The following LYPD8 variants were observed in gnomAD, a reference collection of about 807,000 sequenced individuals.
The protein encoded by LYPD8 is LY6/PLAUR domain containing 8, also known as ly6/PLAUR domain-containing protein 8.
Under a neutral mutation model 1.7 loss-of-function variants are expected in LYPD8, and 8 were observed. The ratio of observed to expected loss-of-function variants is 4.58; its 90% confidence interval spans 2.69 to 8.27. LYPD8 has a LOEUF of 8.27. Among genes scored for constraint, LYPD8 ranks in the 30% most tolerant of loss-of-function variants. The pLI is 0.00. For missense variants in LYPD8, 112 were observed against 102.3 expected, an observed-to-expected ratio of 1.09 and a Z score of -0.41; for synonymous variants, 50 against 43.6, an observed-to-expected ratio of 1.15 and a Z score of -0.58.
Position 248,739,582 on chromosome 1 carries a change from G to T in LYPD8, c.*29C>A. The stretch of plus-strand genomic sequence containing the variant: ...CTGGACCTCAGAGAAGCAGAAATGG[G>T]GTGCTGGGCAAAGTGCAGCCCCAGG... On this transcript the variant is annotated 3_prime_UTR_variant, in exon 7 of 7. Transcript: ENST00000590317. This position sits in a 1 kb window ranked among gnomAD's most constrained non-coding sequence, Gnocchi z 4.3. 6.5e-7 allele frequency: 1 copy of T among 1,550,294 alleles called. No homozygotes were observed. The highest frequency in any genetic ancestry group is 8.7e-7 in the Non-Finnish European group (1 of 1,146,904).
intron 5 of LYPD8, among the ~76,000 whole-genome samples, chr1:248,746,384 G>A (rs1412591869): frequency 6.6e-6 from 1 of 152,212 alleles, no homozygotes; most frequent in Admixed American, 6.5e-5. Flanking sequence ...CATGGCGGAA[G>A]TGCTGGTTTG....
intron 1 of LYPD8, 113 bp downstream of exon 1, chr1:248,755,592 G>A (rs1242693648): frequency 6.6e-6 from 1 of 152,322 alleles, no homozygotes; most frequent in Non-Finnish European, 1.5e-5. Context: ...AGGAGCAAGA[G>A]CCGCAAGAAT....
intron 4 of LYPD8, among the ~76,000 whole-genome samples, chr1:248,748,768 G>T (rs1383884275): frequency 2.0e-5 from 3 of 152,186 alleles, no homozygotes; most frequent in African/African-American, 7.2e-5. Flanking sequence ...CTGTAAAAAT[G>T]ATCAAACAGA....
chr1:248,741,062 AGTGATC>A (rs1282986928), intron 6 of LYPD8, among the ~76,000 whole-genome samples: 1 of 152,232 alleles, frequency 6.6e-6, no homozygotes, highest in Non-Finnish European at 1.5e-5. Context: ...GCAGTGAGTC[AGTGATC>A]GCACCCCTGC....
intron 6 of LYPD8, among the ~76,000 whole-genome samples, chr1:248,743,419 C>T (rs1218083629): frequency 2.6e-5 from 4 of 151,512 alleles, no homozygotes; most frequent in Non-Finnish European, 5.9e-5. Context: ...GAGCTGAGAT[C>T]GCACCACTGC....
At chr1:248,746,004 G>A (rs1662721398) in intron 5 of LYPD8, among the ~76,000 whole-genome samples, 1 of 152,216 alleles carries the variant, frequency 6.6e-6, no homozygotes, top group Non-Finnish European at 1.5e-5. Context: ...AAGTAAATAT[G>A]AGAATCCAGC....
At chr1:248,752,923 C>CAA (rs1250164683) in intron 2 of LYPD8, among the ~76,000 whole-genome samples, 2 of 102,958 alleles carry the variant, frequency 1.9e-5, no homozygotes, top group Non-Finnish European at 1.9e-5. Context: ...CACCAACACA[C>CAA]CACATCACAC....
At chr1:248,753,124 A>AC (rs1662850421) in intron 2 of LYPD8, among the ~76,000 whole-genome samples, 1 of 79,408 alleles carries the variant, frequency 1.3e-5, no homozygotes, top group South Asian at 4.8e-4. Flanking sequence ...AACACACACA[A>AC]CACAACACAC....
In LYPD8 at chr1:248,751,023, C is replaced by T; in HGVS notation, c.52+7G>A. ...ATTCTAAAAAGGGGCCACGTGAGTTCTCTTACCTACAGCTGCAACAAGCAC... is the reference window on the plus strand; with the variant it reads ...ATTCTAAAAAGGGGCCACGTGAGTTTTCTTACCTACAGCTGCAACAAGCAC... On this transcript the variant is annotated splice_region_variant and intron_variant, in intron 3 of 6. Transcript: ENST00000590317. The T allele has an allele frequency of 2.5e-6, 1 of 398,614 alleles. No individual in the cohort carries two copies. The highest frequency in any genetic ancestry group is 4.4e-6 in the Non-Finnish European group (1 of 226,064). 24.7% of individuals were successfully genotyped at this position (398,614 alleles called of 1,614,324 possible). A position where few individuals can be genotyped will look rare whatever the true frequency, so the allele number is the denominator to read the frequency against.
chr1:248,743,070 T>C (rs1209509510), intron 6 of LYPD8, among the ~76,000 whole-genome samples: 1 of 151,292 alleles, frequency 6.6e-6, no homozygotes, highest in Non-Finnish European at 1.5e-5. Context: ...GGGGAGGTTA[T>C]GCGTGTCAGG....
rs1553283749 is a variant in LYPD8, at chr1:248,743,408, TGAGCTGAGATC to T, written c.475+1723_475+1733del. On this transcript the variant is annotated intron_variant, in intron 6 of 6. Transcript: ENST00000590317. ...TGAACCCAGGAGACGGAGGTTGCAGTGAGCTGAGATCGCACCACTGCACTCCAGCCTGGGCG... is the reference window on the plus strand; with the variant it reads ...TGAACCCAGGAGACGGAGGTTGCAGTGCACCACTGCACTCCAGCCTGGGCG... Among the ~76,000 whole-genome samples the T allele has an allele frequency of 1.6e-3, 251 of 152,244 alleles. 6 individuals carry two copies. In the East Asian group the frequency reaches 0.041, roughly 25 times the overall value.
intron 2 of LYPD8, among the ~76,000 whole-genome samples, chr1:248,752,385 T>C (rs1662813517): frequency 6.6e-6 from 1 of 151,856 alleles, no homozygotes; most frequent in East Asian, 1.9e-4. Context: ...CTATTCCAGG[T>C]CCTTCCAGCT....
chr1:248,753,311 CACACAACACACA>C (rs1662860412), intron 2 of LYPD8, among the ~76,000 whole-genome samples: 1 of 123,936 alleles, frequency 8.1e-6, no homozygotes. Flanking sequence ...CCACACACCC[CACACAACACACA>C]ACACATCACA....
chr1:248,746,138 G>C (rs968299032), intron 5 of LYPD8, among the ~76,000 whole-genome samples: 3 of 152,092 alleles, frequency 2.0e-5, no homozygotes, highest in Non-Finnish European at 4.4e-5. Flanking sequence ...AATGTGTTTT[G>C]GTTATTTTGG....
At chr1:248,741,616 G>A (rs111608521) in intron 6 of LYPD8, among the ~76,000 whole-genome samples, 1,568 of 152,324 alleles carry the variant, frequency 0.01, 21 homozygotes, top group African/African-American at 0.025. Context: ...CTACATTTAT[G>A]ATAGCTTTGA....
chr1:248,752,811 A>ACACAC, intron 2 of LYPD8, among the ~76,000 whole-genome samples: 1 of 104,670 alleles, frequency 9.6e-6, no homozygotes, highest in South Asian at 3.2e-4. Context: ...CCCACAACAC[A>ACACAC]CACACATCAC....
At chr1:248,755,601 A>G (rs1399653734) in intron 1 of LYPD8, 104 bp downstream of exon 1, 2 of 152,446 alleles carry the variant, frequency 1.3e-5, no homozygotes, top group South Asian at 4.1e-4. Context: ...AGCCGCAAGA[A>G]TGTCCTGGAC....
Position 248,741,123 on chromosome 1 carries a change from C to A in LYPD8, c.476-1274G>T, listed in dbSNP as rs1280726592. Reference sequence around the variant, plus strand: ...AGCGAGACCCTGTCTTGAACAGCAACAACAACAAAGGCTGATTCTAAACTT... The same window carrying A: ...AGCGAGACCCTGTCTTGAACAGCAAAAACAACAAAGGCTGATTCTAAACTT... On this transcript the variant is annotated intron_variant, in intron 6 of 6. Coordinates refer to ENST00000590317, the MANE Select transcript of LYPD8 (RefSeq NM_001085474.2). Among the ~76,000 whole-genome samples the A allele has an allele frequency of 7.6e-5, 10 of 132,332 alleles. No homozygotes were observed. In the South Asian group the frequency reaches 1.9e-3, roughly 25 times the overall value. 86.8% of individuals were successfully genotyped at this position (132,332 alleles called of 152,430 possible).
intron 2 of LYPD8, among the ~76,000 whole-genome samples, chr1:248,753,073 ACACC>A (rs1190165596): frequency 2.0e-4 from 19 of 94,250 alleles, no homozygotes; most frequent in African/African-American, 7.7e-4. Context: ...CACACCCCAC[ACACC>A]CCACACCACA....
Sources: allele counts gnomAD v4.1 joint callset (sites outside exome capture counted in the v4.1 genomes callset), GRCh38; gene constraint gnomAD v4.1.1; non-coding constraint Gnocchi (gnomAD v3.1); transcripts MANE v1.5; gene names NCBI Gene and HGNC (gene_info 2026-07-23, HGNC 2026-07-21).